Variants in MOB1B observed in about 807,000 individuals in gnomAD.
The protein encoded by MOB1B is MOB kinase activator 1B.
MOB1B carries 19 observed loss-of-function variants against 24.4 expected under a neutral mutation model. The observed-to-expected ratio is 0.78, with a 90% CI of 0.54 to 1.14. MOB1B has a LOEUF of 1.14. Among genes scored for constraint, MOB1B ranks in the 50% most tolerant of loss-of-function variants. The probability of loss-of-function intolerance (pLI) is 0.00; values close to 1 mark genes in which losing one functional copy is unlikely to be tolerated. For synonymous variants in MOB1B, 76 were observed against 82.1 expected (o/e 0.93, Z 0.40); for missense variants, 243 against 259.6 (o/e 0.94, Z 0.44).
At chr4:70,910,592 A>G (rs549650920) in intron 1 of MOB1B, among the ~76,000 whole-genome samples, 26 of 152,134 alleles carry the variant, frequency 1.7e-4, no homozygotes, top group East Asian at 3.9e-4. Context: ...CCAAGAATAC[A>G]CTAGTAGAAG....
chr4:70,945,480 T>C (rs1358704693), intron 1 of MOB1B, among the ~76,000 whole-genome samples: 2 of 152,242 alleles, frequency 1.3e-5, no homozygotes, highest in Non-Finnish European at 2.9e-5. Context: ...AAGATGCATA[T>C]TATTCTGCAT....
At chr4:70,978,026 G>A (rs1168148575) in intron 4 of MOB1B, among the ~76,000 whole-genome samples, 1 of 152,116 alleles carries the variant, frequency 6.6e-6, no homozygotes, top group East Asian at 1.9e-4. Flanking sequence ...TGGTCCTCAT[G>A]TTGTACATTA....
At chr4:70,902,068 C>G (rs1735529465), upstream of MOB1B, among the ~76,000 whole-genome samples, 1 of 152,180 alleles carries the variant, frequency 6.6e-6, no homozygotes, top group African/African-American at 2.4e-5. Flanking sequence ...CCTCTGGAGC[C>G]CAGCTGAGCG....
chr4:70,954,050 C>T (rs967334738), intron 1 of MOB1B, among the ~76,000 whole-genome samples: 1 of 152,096 alleles, frequency 6.6e-6, no homozygotes, highest in Admixed American at 6.6e-5. Context: ...AACCTTTCAG[C>T]GTAGCACCCC....
Position 70,979,277 on chromosome 4 carries a change from AT to A in MOB1B, c.567del (p.Phe189LeufsTer19), listed in dbSNP as rs778232663. 4.3e-6 allele frequency: 7 copies of A among 1,611,852 alleles called. No homozygotes were observed. Among genetic ancestry groups the A allele is most frequent in the South Asian group, 1.1e-5 (1 of 90,890 alleles). The stretch of plus-strand genomic sequence containing the variant: ...TCTAAATACATCTTTCAAGCACTTT[AT>A]TTTTTTTGTCCAGGTAAGTTGGATT... Reference protein sequence around the residue: ...AHLNTSFKHFIFFVQEFNLID... With the variant: ...AHLNTSFKHFXFFVQEFNLID... On this transcript the variant is annotated frameshift_variant, in exon 5 of 6. Coordinates refer to ENST00000309395, the MANE Select transcript of MOB1B (RefSeq NM_173468.4). LOFTEE classifies it high-confidence loss of function.
At chr4:70,969,297 A>T (rs536791628) in intron 2 of MOB1B, among the ~76,000 whole-genome samples, 1 of 152,130 alleles carries the variant, frequency 6.6e-6, no homozygotes, top group East Asian at 1.9e-4. Context: ...TGCCCAGCTA[A>T]TTTTATTTTT....
At chr4:70,939,389 C>A (rs1737236139) in intron 1 of MOB1B, among the ~76,000 whole-genome samples, 1 of 152,004 alleles carries the variant, frequency 6.6e-6, no homozygotes, top group Non-Finnish European at 1.5e-5. Flanking sequence ...CTAAGAAAAC[C>A]CAATCCTAGT....
At chr4:70,902,298 C>G, upstream of MOB1B, 1 of 595,048 alleles carries the variant, frequency 1.7e-6, no homozygotes, top group Non-Finnish European at 3.0e-6. Context: ...GCCTGCCCCG[C>G]CTCCCTTTCC....
intron 1 of MOB1B, among the ~76,000 whole-genome samples, chr4:70,902,960 C>G (rs1166644352): frequency 6.6e-6 from 1 of 152,228 alleles, no homozygotes; most frequent in East Asian, 1.9e-4. Context: ...GCCCATTGCT[C>G]TTTTCTGGGT....
chr4:70,962,946 G>A (rs181365094), intron 2 of MOB1B, among the ~76,000 whole-genome samples: 41 of 152,334 alleles, frequency 2.7e-4, no homozygotes, highest in African/African-American at 8.4e-4. Flanking sequence ...GGAAGTTGCA[G>A]TGAGACAAGA....
chr4:70,931,255 A>T (rs1480363934), intron 1 of MOB1B, among the ~76,000 whole-genome samples: 3 of 152,232 alleles, frequency 2.0e-5, no homozygotes, highest in Non-Finnish European at 4.4e-5. Flanking sequence ...GTATAGAATA[A>T]TTCAAGTCTT....
intron 1 of MOB1B, among the ~76,000 whole-genome samples, chr4:70,930,965 CTTTTTTTTTTT>C (rs71211981): frequency 4.4e-5 from 5 of 114,324 alleles, no homozygotes; most frequent in African/African-American, 1.6e-4. Flanking sequence ...TGTACCTTTC[CTTTTTTTTTTT>C]TTTTTTTTTT....
At chr4:70,944,987 G>GT (rs756329820) in intron 1 of MOB1B, among the ~76,000 whole-genome samples, 1 of 152,164 alleles carries the variant, frequency 6.6e-6, no homozygotes, top group Non-Finnish European at 1.5e-5. Context: ...GAATTGCAGT[G>GT]TTTTTACATA....
At chr4:70,941,736 C>A (rs1737356975) in intron 1 of MOB1B, among the ~76,000 whole-genome samples, 1 of 152,060 alleles carries the variant, frequency 6.6e-6, no homozygotes, top group Admixed American at 6.6e-5. Flanking sequence ...TGGTATCTTT[C>A]TTTTCAGAGA....
At chr4:70,943,764 C>T (rs574251677) in intron 1 of MOB1B, among the ~76,000 whole-genome samples, 3 of 152,152 alleles carry the variant, frequency 2.0e-5, no homozygotes, top group Non-Finnish European at 1.5e-5. Flanking sequence ...ATTAGAGAAT[C>T]AGTTATATCA....
chr4:70,949,763 G>C (rs1178741469), intron 1 of MOB1B, among the ~76,000 whole-genome samples: 1 of 152,014 alleles, frequency 6.6e-6, no homozygotes, highest in Non-Finnish European at 1.5e-5. Context: ...TGGACATGGT[G>C]GCGTGAACCT....
At chr4:70,914,510 G>A (rs1736121948) in intron 1 of MOB1B, among the ~76,000 whole-genome samples, 1 of 152,176 alleles carries the variant, frequency 6.6e-6, no homozygotes, top group African/African-American at 2.4e-5. Flanking sequence ...CCAAAATCTA[G>A]GTGTAGGTAT....
intron 1 of MOB1B, among the ~76,000 whole-genome samples, chr4:70,907,153 G>C (rs781635204): frequency 1.4e-4 from 22 of 152,264 alleles, no homozygotes; most frequent in Non-Finnish European, 2.8e-4. Context: ...GAGCTAGCAG[G>C]GGTCTATTAG....
chr4:70,929,114 A>T (rs1327375157), intron 1 of MOB1B, among the ~76,000 whole-genome samples: 1 of 152,098 alleles, frequency 6.6e-6, no homozygotes. Flanking sequence ...AAACAAGATA[A>T]TAGTAAAGGT....
Sources: gnomAD v4.1 joint callset for allele counts (sites outside exome capture counted in the v4.1 genomes callset) on GRCh38, gnomAD v4.1.1 for gene constraint, MANE v1.5 for transcripts, NCBI Gene and HGNC (gene_info 2026-07-23, HGNC 2026-07-21) for gene names.